Variants in SFI1 observed in about 807,000 individuals in gnomAD.
SFI1 encodes SFI1 centrin binding protein.
Under a neutral mutation model 207.5 loss-of-function variants are expected in SFI1, and 195 were observed. The observed-to-expected ratio is 0.94, with a 90% CI of 0.84 to 1.06. The LOEUF (loss-of-function observed/expected upper bound fraction) is 1.06, where lower values mean the gene tolerates loss of function less well. SFI1 is among the 50% of genes least tolerant of loss of function. The pLI is 0.00. For synonymous variants in SFI1, 630 were observed against 598.9 expected (o/e 1.05, Z -0.76); for missense variants, 1,634 against 1,588.0 (o/e 1.03, Z -0.49).
intron 4 of SFI1, among the ~76,000 whole-genome samples, chr22:31,542,352 G>C (rs1052947850): frequency 1.3e-5 from 2 of 152,002 alleles, no homozygotes; most frequent in Non-Finnish European, 2.9e-5. Flanking sequence ...AATAGGCCGG[G>C]CATGGTGGCA....
chr22:31,543,266 A>C (rs1405501682), intron 4 of SFI1, among the ~76,000 whole-genome samples: 1 of 152,104 alleles, frequency 6.6e-6, no homozygotes, highest in Admixed American at 6.6e-5. Flanking sequence ...TAATTTTTTT[A>C]AAAAGATACC....
At position 31,568,224 on chromosome 22, in the gene SFI1, A is replaced by ATT. The variant is rs1301046058; in HGVS notation, c.766-4833_766-4832insTT. Among the ~76,000 whole-genome samples the ATT allele has an allele frequency of 1.0e-3, 128 of 124,398 alleles. 1 individual carries two copies. The highest frequency in any genetic ancestry group is 3.7e-3 in the African/African-American group (119 of 31,876). The allele number at this position is 124,398 out of a possible 152,430, so 81.6% of individuals were successfully genotyped here. A position where few individuals can be genotyped will look rare whatever the true frequency, so the allele number is the denominator to read the frequency against. Reference sequence around the variant, plus strand: ...TGTGTGTGTGTGTATATATATATATATATTTTTTTTTTTTTACCATAAATG... The same window carrying ATT: ...TGTGTGTGTGTGTATATATATATATATTTATTTTTTTTTTTTTACCATAAATG... On this transcript the variant is annotated intron_variant, in intron 8 of 32. Coordinates refer to ENST00000400288, the MANE Select transcript of SFI1 (RefSeq NM_001007467.3).
chr22:31,504,533 A>G (rs1490600969), intron 1 of SFI1, among the ~76,000 whole-genome samples: 2 of 152,126 alleles, frequency 1.3e-5, no homozygotes, highest in Non-Finnish European at 2.9e-5. Flanking sequence ...TGCCTCCACC[A>G]TTTACTTAAA....
chr22:31,550,749 G>A (rs2060548927), intron 6 of SFI1: 1 of 164,064 alleles, frequency 6.1e-6, no homozygotes, highest in Non-Finnish European at 1.3e-5. Flanking sequence ...TTGTCCCTTA[G>A]TGATACTGTG....
Position 31,604,381 on chromosome 22 carries a change from C to A in SFI1, c.1954C>A (p.His652Asn). 1 of 1,562,532 alleles carries A rather than the reference C, an allele frequency of 6.4e-7. No individual in the cohort carries two copies. Among genetic ancestry groups the A allele is most frequent in the Non-Finnish European group, 8.6e-7 (1 of 1,156,952 alleles). ...ADLHHQHSVL[H>N]RALQAWVTYQ... is the part of the protein sequence containing the mutation. The stretch of plus-strand genomic sequence containing the variant: ...CCTGCACCACCAGCACAGCGTGCTG[C>A]ACAGGGCGCTGCAGGCATGGGTGGT... The change falls in exon 19 of 33, where the codon CAC becomes AAC. Residue 652 changes from histidine to asparagine, a missense_variant. Transcript: ENST00000400288.
chr22:31,572,111 A>G (rs1338121541), intron 8 of SFI1, among the ~76,000 whole-genome samples: 2 of 152,306 alleles, frequency 1.3e-5, no homozygotes, highest in East Asian at 3.9e-4. Context: ...GAAAGAGAGA[A>G]GACAGAGCCC....
At position 31,557,485 on chromosome 22, in the gene SFI1, C is replaced by G. The variant is rs545389278; in HGVS notation, c.662+426C>G. Among the ~76,000 whole-genome samples, 63 of 152,106 alleles carry G rather than the reference C, an allele frequency of 4.1e-4. 1 individual carries two copies. Among genetic ancestry groups the G allele is most frequent in the African/African-American group, 1.3e-3 (55 of 41,498 alleles). ...ATTATAGGCATGAGCCACCATGCCC[C>G]CTTCCCACCTTGAAACAATATTTTG... is the stretch of plus-strand genomic sequence containing the variant. On this transcript the variant is annotated intron_variant, in intron 7 of 32. Transcript: ENST00000400288.
intron 9 of SFI1, among the ~76,000 whole-genome samples, chr22:31,574,921 T>C (rs1387906983): frequency 6.6e-6 from 1 of 151,140 alleles, no homozygotes; most frequent in Non-Finnish European, 1.5e-5. Context: ...CAGCCAGGGG[T>C]GGTGGCACAT....
intron 3 of SFI1, 47 bp downstream of exon 3, chr22:31,528,910 C>T: frequency 6.5e-7 from 1 of 1,548,322 alleles, no homozygotes; most frequent in East Asian, 2.3e-5. Flanking sequence ...TGCTTTTGTT[C>T]TCCTTTCTTG....
rs564433068 is a variant in SFI1 at position 31,521,751 on chromosome 22, A to G, written c.93-6939A>G. Among the ~76,000 whole-genome samples, 9 of 151,916 alleles carry G rather than the reference A, an allele frequency of 5.9e-5. No homozygotes were observed. The East Asian group carries it at 1.4e-3, about 23-fold the overall frequency. The stretch of plus-strand genomic sequence containing the variant: ...ACGTATACATAACAAAAAACTTACT[A>G]TTTTATTTTAACCTTTTTTTTTCTT... On this transcript the variant is annotated intron_variant, in intron 2 of 32. Transcript: ENST00000400288.
At position 31,614,729 on chromosome 22, in the gene SFI1, C is replaced by T. The variant is rs777994854; in HGVS notation, c.2997-60C>T. ...ATAAAATTGGAGATCCCACAGAGAT[C>T]TCAGACCCCCCTGCAGCCCCTGGTC... On this transcript the variant is annotated intron_variant, in intron 27 of 32. Transcript: ENST00000400288. 17 of 1,582,358 alleles carry T rather than the reference C, an allele frequency of 1.1e-5. 1 individual carries two copies. Among genetic ancestry groups the T allele is most frequent in the Middle Eastern group, 3.3e-4 (2 of 5,998 alleles).
chr22:31,496,385 C>T (rs983224021), upstream of SFI1: 3 of 152,384 alleles, frequency 2.0e-5, no homozygotes, highest in East Asian at 3.8e-4. Flanking sequence ...CTCATTGCTG[C>T]TGCTGCAAAG....
intron 2 of SFI1, among the ~76,000 whole-genome samples, chr22:31,523,418 G>C (rs551704472): frequency 6.6e-6 from 1 of 152,274 alleles, no homozygotes; most frequent in East Asian, 1.9e-4. Context: ...AAAAAATCCA[G>C]TTTTAATTTC....
At chr22:31,510,486 T>G (rs1312348399) in intron 2 of SFI1, among the ~76,000 whole-genome samples, 3 of 152,110 alleles carry the variant, frequency 2.0e-5, no homozygotes, top group Non-Finnish European at 4.4e-5. Context: ...CAGACTGGAG[T>G]ACGGTGGTGT....
intron 2 of SFI1, among the ~76,000 whole-genome samples, chr22:31,516,114 AATAT>A (rs1369952658): frequency 6.8e-6 from 1 of 146,518 alleles, no homozygotes; most frequent in East Asian, 2.1e-4. Context: ...TGTACTAATT[AATAT>A]ATAGGAGGTT....
rs199982480 is a variant in SFI1 at position 31,561,304 on chromosome 22, C to T, written c.677C>T (p.Thr226Met). The T allele has an allele frequency of 1.2e-5, 19 of 1,613,948 alleles. No homozygotes were observed. Among genetic ancestry groups the T allele is most frequent in the Middle Eastern group, 3.3e-4 (2 of 6,062 alleles). ...CTGTTTCACAGGGTGTGGTGGAGCACGTGGAGGCAGCGACTAGGACAGGTC... is the reference window on the plus strand; with the variant it reads ...CTGTTTCACAGGGTGTGGTGGAGCATGTGGAGGCAGCGACTAGGACAGGTC... ...QRIILRVWWS[T>M]WRQRLGQVRV... Residue 226 changes from threonine (T) to methionine (M), a missense_variant, in exon 8 of 33, where the codon ACG becomes ATG. Physicochemically the swap from Thr to Met is moderately conservative, Grantham distance 81. Transcript: ENST00000400288.
At chr22:31,513,036 G>C (rs995125483) in intron 2 of SFI1, among the ~76,000 whole-genome samples, 1 of 152,010 alleles carries the variant, frequency 6.6e-6, no homozygotes, top group Non-Finnish European at 1.5e-5. Context: ...GGCCAGGCTG[G>C]TCTCAAGCTC....
intron 4 of SFI1, among the ~76,000 whole-genome samples, chr22:31,531,606 C>T (rs983785282): frequency 6.7e-6 from 1 of 150,288 alleles, no homozygotes; most frequent in Non-Finnish European, 1.5e-5. Context: ...CAAAAATTAG[C>T]CGAGCAGCCA....
At chr22:31,609,457 A>C (rs1456652898) in intron 22 of SFI1, among the ~76,000 whole-genome samples, 3 of 152,236 alleles carry the variant, frequency 2.0e-5, no homozygotes, top group Non-Finnish European at 2.9e-5. Flanking sequence ...GCTGAAGGGG[A>C]CAGCTCATTT....
Sources: allele counts gnomAD v4.1 joint callset (sites outside exome capture counted in the v4.1 genomes callset), GRCh38; gene constraint gnomAD v4.1.1; transcripts MANE v1.5; gene names NCBI Gene and HGNC (gene_info 2026-07-23, HGNC 2026-07-21).